ZMAT3: variants seen among roughly 807,000 people sequenced by gnomAD.
ZMAT3 encodes the protein zinc finger matrin-type 3.
A neutral mutation model predicts 32.3 loss-of-function variants in ZMAT3; 17 were observed. The ratio of observed to expected loss-of-function variants is 0.53; its 90% CI spans 0.36 to 0.79. ZMAT3 has a LOEUF of 0.79. ZMAT3 is among the 30% of genes least tolerant of loss of function. The pLI is 0.00. For synonymous variants in ZMAT3, 120 were observed against 133.1 expected, an observed-to-expected ratio of 0.90 and a Z score of 0.68; for missense variants, 329 against 359.7, an observed-to-expected ratio of 0.91 and a Z score of 0.69.
At chr3:179,057,340 C>T (rs1288413554) in intron 2 of ZMAT3, among the ~76,000 whole-genome samples, 1 of 151,128 alleles carries the variant, frequency 6.6e-6, no homozygotes, top group East Asian at 2.0e-4. Flanking sequence ...AGTCCTGGAC[C>T]TTAAGGATGC....
rs992929888 is a variant in ZMAT3, at chr3:179,024,751, G to C, written c.*266C>G. 3 of 388,172 alleles carry C rather than the reference G, an allele frequency of 7.7e-6. No individual in the cohort carries two copies. The highest frequency in any genetic ancestry group is 1.4e-5 in the Non-Finnish European group (3 of 210,380). 24.0% of individuals were successfully genotyped at this position (388,172 alleles called of 1,614,324 possible). ...GCAAGATAAAAAGTTATTTCTGATGGGGTAGGTAGGTCACATGCTATGAGC... is the reference window on the plus strand; with the variant it reads ...GCAAGATAAAAAGTTATTTCTGATGCGGTAGGTAGGTCACATGCTATGAGC... On this transcript the variant is annotated 3_prime_UTR_variant, in exon 6 of 6. Transcript: ENST00000311417.
intron 1 of ZMAT3, among the ~76,000 whole-genome samples, chr3:179,070,114 G>A (rs558183363): frequency 2.5e-4 from 36 of 141,390 alleles, no homozygotes; most frequent in Admixed American, 2.3e-3. Context: ...GTGAAAAGGT[G>A]GGGGGGGGTG....
chr3:179,025,023 A>G lies in ZMAT3; in HGVS notation c.864T>C (p.Tyr288=). ...TATCTTAATATGATAATCACTATAC[A>G]TATCCCAGATTCTCCATCTCATTCC... ...RYRNEMENLG[Y]V The change falls in exon 6 of 6, where the codon TAT becomes TAC. Residue 288 remains tyrosine, a synonymous_variant. Coordinates refer to ENST00000311417, the MANE Select transcript of ZMAT3 (RefSeq NM_022470.4). 3 of 1,614,156 alleles carry G rather than the reference A, an allele frequency of 1.9e-6. No homozygotes were observed. The highest frequency in any genetic ancestry group is 1.7e-6 in the Non-Finnish European group (2 of 1,179,990).
At chr3:179,044,348 T>G (rs1720112926) in intron 2 of ZMAT3, among the ~76,000 whole-genome samples, 1 of 152,106 alleles carries the variant, frequency 6.6e-6, no homozygotes, top group Non-Finnish European at 1.5e-5. Context: ...ATAGACTGGA[T>G]GAAGAAAATG....
At chr3:179,056,047 T>C (rs1720824637) in intron 2 of ZMAT3, among the ~76,000 whole-genome samples, 1 of 152,108 alleles carries the variant, frequency 6.6e-6, no homozygotes. Flanking sequence ...CTCAATGATG[T>C]CCACTATAAC....
chr3:179,024,887 C>A lies in ZMAT3; in HGVS notation c.*130G>T. 8.0e-6 allele frequency: 6 copies of A among 752,856 alleles called. No individual in the cohort carries two copies. Among genetic ancestry groups the A allele is most frequent in the Admixed American group, 2.1e-5 (1 of 47,166 alleles). The allele number at this position is 752,856 out of a possible 1,614,324, so 46.6% of individuals were successfully genotyped here. A position where few individuals can be genotyped will look rare whatever the true frequency, so the allele number is the denominator to read the frequency against. ...CCCCAGGTTTTGACATCTCATGGTA[C>A]CACTGTGGGTTACATGTATTAACAT... On this transcript the variant is annotated 3_prime_UTR_variant, in exon 6 of 6. Transcript: ENST00000311417.
chr3:179,066,987 G>A (rs1560100530), intron 2 of ZMAT3, among the ~76,000 whole-genome samples: 1 of 152,186 alleles, frequency 6.6e-6, no homozygotes, highest in Non-Finnish European at 1.5e-5. Flanking sequence ...CCAGTGATAG[G>A]ATATATAAGA....
rs891268063 is a variant in ZMAT3 at position 179,030,959 on chromosome 3, G to T, written c.311C>A (p.Ala104Glu). The T allele has an allele frequency of 2.5e-6, 4 of 1,613,516 alleles. No individual in the cohort carries two copies. In the African/African-American group the frequency reaches 4.0e-5, roughly 16 times the overall value. Residue 104 changes from alanine to glutamate, a missense_variant, in exon 3 of 6, where the codon GCA becomes GAA. By Grantham distance (107) the Ala-to-Glu change is moderately radical (BLOSUM62 -1). Transcript: ENST00000311417. ...TCTAGCAGGAGGAGGACAGCTATTT[G>T]CTGCATAGTAATTTCGGAGTTTCTT... ...HGKKLRNYYA[A>E]NSCPPPARMS... is the part of the protein sequence containing the mutation.
chr3:179,068,056 T>A (rs2108592851), intron 1 of ZMAT3, among the ~76,000 whole-genome samples: 1 of 152,314 alleles, frequency 6.6e-6, no homozygotes, highest in African/African-American at 2.4e-5. Flanking sequence ...TTCCAACTGC[T>A]ATCCCTTTGG....
At chr3:179,058,391 A>C (rs1222964149) in intron 2 of ZMAT3, among the ~76,000 whole-genome samples, 1 of 152,242 alleles carries the variant, frequency 6.6e-6, no homozygotes, top group Non-Finnish European at 1.5e-5. Context: ...ATGCCACTCG[A>C]GGGGACCTTT....
At chr3:179,031,108 G>A in intron 2 of ZMAT3, 109 bp from the exon 3 acceptor site, 3 of 886,130 alleles carry the variant, frequency 3.4e-6, no homozygotes, top group Non-Finnish European at 3.2e-6. Flanking sequence ...TATTTTGAGA[G>A]AGAGACCACA....
chr3:179,043,206 A>C (rs1298016656), intron 2 of ZMAT3, among the ~76,000 whole-genome samples: 1 of 152,242 alleles, frequency 6.6e-6, no homozygotes, highest in Admixed American at 6.5e-5. Context: ...CTTTCTTCAC[A>C]GAATTGGAAA....
Position 179,023,998 on chromosome 3 carries a change from G to C in ZMAT3, c.*1019C>G, listed in dbSNP as rs1718710567. On this transcript the variant is annotated 3_prime_UTR_variant, in exon 6 of 6. Transcript: ENST00000311417. Reference sequence around the variant, plus strand: ...GCCTCCCAAAGTGCTGGGATTACAGGCGTGAGCCACCGCGCCCGGCCCTAT... The same window carrying C: ...GCCTCCCAAAGTGCTGGGATTACAGCCGTGAGCCACCGCGCCCGGCCCTAT... The C allele has an allele frequency of 6.6e-6, 1 of 151,636 alleles. No individual in the cohort carries two copies. Among genetic ancestry groups the C allele is most frequent in the South Asian group, 2.1e-4 (1 of 4,810 alleles). 9.4% of individuals were successfully genotyped at this position (151,636 alleles called of 1,614,324 possible).
intron 2 of ZMAT3, among the ~76,000 whole-genome samples, chr3:179,058,925 G>A (rs1316472142): frequency 1.3e-5 from 2 of 152,128 alleles, no homozygotes; most frequent in Non-Finnish European, 2.9e-5. Flanking sequence ...AGGAAAAAGG[G>A]TAAATATATA....
chr3:179,059,650 T>C (rs947787833), intron 2 of ZMAT3, among the ~76,000 whole-genome samples: 2 of 152,284 alleles, frequency 1.3e-5, no homozygotes, highest in Non-Finnish European at 1.5e-5. Flanking sequence ...AAATCTACCA[T>C]GGACCCCTGG....
At chr3:179,066,091 G>C (rs933720414) in intron 2 of ZMAT3, among the ~76,000 whole-genome samples, 1 of 152,130 alleles carries the variant, frequency 6.6e-6, no homozygotes, top group African/African-American at 2.4e-5. Context: ...AATGAAGAAA[G>C]CTAATACAGT....
intron 2 of ZMAT3, among the ~76,000 whole-genome samples, chr3:179,054,411 G>A (rs942290818): frequency 1.3e-5 from 2 of 152,098 alleles, no homozygotes; most frequent in African/African-American, 4.8e-5. Context: ...CAAAGTCCGC[G>A]ATTTCAGGTT....
intron 2 of ZMAT3, among the ~76,000 whole-genome samples, chr3:179,064,365 C>T (rs1189577077): frequency 1.3e-5 from 2 of 152,166 alleles, no homozygotes; most frequent in Non-Finnish European, 2.9e-5. Context: ...TCCTAAACCA[C>T]TTTATTAGTC....
At chr3:179,052,263 T>C (rs1405005582) in intron 2 of ZMAT3, among the ~76,000 whole-genome samples, 1 of 152,098 alleles carries the variant, frequency 6.6e-6, no homozygotes, top group Admixed American at 6.5e-5. Context: ...AAAGAACTAA[T>C]ATCCAGTCTA....
Sources: allele counts gnomAD v4.1 joint callset (sites outside exome capture counted in the v4.1 genomes callset), GRCh38; gene constraint gnomAD v4.1.1; transcripts MANE v1.5; gene names NCBI Gene and HGNC (gene_info 2026-07-23, HGNC 2026-07-21).